The following CTNNA3 variants were observed in gnomAD, a reference collection of about 807,000 sequenced individuals.
CTNNA3 encodes the protein catenin alpha 3.
A neutral mutation model predicts 95.7 loss-of-function variants in CTNNA3; 76 were observed. The observed-to-expected ratio is 0.79, with a 90% CI of 0.66 to 0.96. The LOEUF (loss-of-function observed/expected upper bound fraction) is 0.96. Ranked by LOEUF, CTNNA3 falls within the 40% of genes least tolerant of loss-of-function variation. The pLI, the probability that CTNNA3 is intolerant of heterozygous loss-of-function variation, is 0.00. For missense variants in CTNNA3, 1,191 were observed against 1,089.8 expected, an observed-to-expected ratio of 1.09 and a Z score of -1.31; for synonymous variants, 431 against 374.4, an observed-to-expected ratio of 1.15 and a Z score of -1.74.
chr10:67,745,849 T>C (rs1841372442), intron 1 of CTNNA3, among the ~76,000 whole-genome samples: 1 of 151,928 alleles, frequency 6.6e-6, no homozygotes, highest in Non-Finnish European at 1.5e-5. Context: ...ACAAAATACC[T>C]AGAAATCAAT....
intron 17 of CTNNA3, among the ~76,000 whole-genome samples, chr10:65,931,473 G>A (rs1163869065): frequency 3.9e-5 from 6 of 152,154 alleles, no homozygotes; most frequent in Non-Finnish European, 7.3e-5. Flanking sequence ...AAGACAGTAC[G>A]GTGCTTTGGA....
At chr10:67,398,684 T>C (rs1460288286) in intron 5 of CTNNA3, among the ~76,000 whole-genome samples, 1 of 152,182 alleles carries the variant, frequency 6.6e-6, no homozygotes, top group Non-Finnish European at 1.5e-5. Flanking sequence ...ATCTTGAATT[T>C]AGTTCCCATA....
At chr10:66,846,131 C>CAA (rs397732737) in intron 7 of CTNNA3, among the ~76,000 whole-genome samples, 33 of 151,040 alleles carry the variant, frequency 2.2e-4, no homozygotes, top group African/African-American at 6.1e-4. Flanking sequence ...GACTCTGTCT[C>CAA]AAAAAAAAGG....
chr10:67,629,172 C>A lies in CTNNA3; in HGVS notation c.99+18243G>T, dbSNP rs566991076. ...TTCTCCAGAGTTAAAAAAAAAACAA[C>A]AACTTTTTAAAGGCTACAATTCCCC... On this transcript the variant is annotated intron_variant, in intron 2 of 17. Coordinates refer to ENST00000433211, the MANE Select transcript of CTNNA3 (RefSeq NM_013266.4). Among the ~76,000 whole-genome samples, 375 of 151,948 alleles carry A rather than the reference C, an allele frequency of 2.5e-3. 2 individuals are homozygous for A. The highest frequency in any genetic ancestry group is 7.8e-4 in the Non-Finnish European group (53 of 67,954).
At chr10:66,206,583 C>A (rs1056350154) in intron 13 of CTNNA3, among the ~76,000 whole-genome samples, 1 of 151,842 alleles carries the variant, frequency 6.6e-6, no homozygotes, top group Non-Finnish European at 1.5e-5. Flanking sequence ...GAATGAAATT[C>A]ATGAAATGTG....
At chr10:65,984,830 T>C (rs188649043) in intron 16 of CTNNA3, among the ~76,000 whole-genome samples, 55 of 151,394 alleles carry the variant, frequency 3.6e-4, no homozygotes, top group African/African-American at 1.3e-3. Context: ...ATGTTTCACT[T>C]ATTTCACTAA....
intron 13 of CTNNA3, among the ~76,000 whole-genome samples, chr10:66,266,747 A>C (rs564906610): frequency 6.6e-6 from 1 of 152,140 alleles, no homozygotes; most frequent in Admixed American, 6.6e-5. Flanking sequence ...AGCTCATTGC[A>C]AATACAAAAA....
At chr10:66,099,510 C>G (rs185874021) in intron 14 of CTNNA3, among the ~76,000 whole-genome samples, 5 of 152,094 alleles carry the variant, frequency 3.3e-5, no homozygotes, top group African/African-American at 9.6e-5. Flanking sequence ...TATTGTAAAA[C>G]CTATCTAAAT....
intron 5 of CTNNA3, among the ~76,000 whole-genome samples, chr10:67,452,485 C>T (rs1245711849): frequency 2.6e-5 from 4 of 152,112 alleles, no homozygotes; most frequent in Admixed American, 6.5e-5. Context: ...TTAAACATTA[C>T]TCATAAGATA....
rs143491634 is a variant in CTNNA3 at position 66,707,093 on chromosome 10, T to C, written c.1281+59171A>G. On this transcript the variant is annotated intron_variant, in intron 9 of 17. Transcript: ENST00000433211. ...AATACTAATGTGTCCAATTTAAGCA[T>C]TTAATGATGTTTAAATAAAAAATAA... Among the ~76,000 whole-genome samples the C allele has an allele frequency of 1.8e-4, 28 of 152,184 alleles. No individual in the cohort carries two copies. The East Asian group carries it at 5.0e-3, about 27-fold the overall frequency.
intron 12 of CTNNA3, among the ~76,000 whole-genome samples, chr10:66,323,436 G>A (rs975596973): frequency 1.3e-5 from 2 of 151,874 alleles, no homozygotes. Flanking sequence ...CTGAGGTCAA[G>A]AGTTCGAGAC....
chr10:67,380,769 G>A (rs1285973952), intron 5 of CTNNA3, among the ~76,000 whole-genome samples: 1 of 152,204 alleles, frequency 6.6e-6, no homozygotes, highest in Non-Finnish European at 1.5e-5. Flanking sequence ...GATATGATTT[G>A]AGTAAGGGAG....
intron 6 of CTNNA3, among the ~76,000 whole-genome samples, chr10:67,211,785 G>A (rs986748655): frequency 2.6e-5 from 4 of 152,196 alleles, no homozygotes; most frequent in African/African-American, 7.2e-5. Flanking sequence ...GAGGGCTCAC[G>A]AAATATGTGT....
At chr10:67,497,935 C>T (rs1191877919) in intron 5 of CTNNA3, among the ~76,000 whole-genome samples, 1 of 151,954 alleles carries the variant, frequency 6.6e-6, no homozygotes, top group Non-Finnish European at 1.5e-5. Flanking sequence ...CTCTTTAGTT[C>T]AAATTAGATC....
chr10:66,945,132 C>T (rs180830539), intron 7 of CTNNA3, among the ~76,000 whole-genome samples: 1 of 152,262 alleles, frequency 6.6e-6, no homozygotes, highest in African/African-American at 2.4e-5. Flanking sequence ...GCTTTGAGGC[C>T]AGGCATTGAC....
At chr10:66,924,622 C>T (rs1276971959) in intron 7 of CTNNA3, among the ~76,000 whole-genome samples, 1 of 152,142 alleles carries the variant, frequency 6.6e-6, no homozygotes, top group Non-Finnish European at 1.5e-5. Context: ...TTTAAAAATG[C>T]TCACTAAAGT....
chr10:66,125,673 AGAAAT>A (rs2082789720), intron 13 of CTNNA3, among the ~76,000 whole-genome samples: 2 of 152,332 alleles, frequency 1.3e-5, no homozygotes, highest in African/African-American at 4.8e-5. Context: ...ATAAATATAA[AGAAAT>A]GAACTATCAA....
chr10:66,676,610 C>T (rs986628903), intron 9 of CTNNA3, among the ~76,000 whole-genome samples: 2 of 152,062 alleles, frequency 1.3e-5, no homozygotes, highest in East Asian at 3.9e-4. Flanking sequence ...TTCTCCCTCT[C>T]ACAACCAGCT....
intron 7 of CTNNA3, among the ~76,000 whole-genome samples, chr10:66,824,244 C>T (rs1842413798): frequency 6.6e-6 from 1 of 152,086 alleles, no homozygotes; most frequent in Admixed American, 6.6e-5. Context: ...TTTGTCATTC[C>T]AGTGCACTAA....
Sources: gnomAD v4.1 joint callset for allele counts (sites outside exome capture counted in the v4.1 genomes callset) on GRCh38, gnomAD v4.1.1 for gene constraint, MANE v1.5 for transcripts, NCBI Gene and HGNC (gene_info 2026-07-23, HGNC 2026-07-21) for gene names.